BABAM1: variants seen among roughly 807,000 people sequenced by gnomAD.
BABAM1 encodes the protein BRISC and BRCA1 A complex member 1.
In BABAM1, 14 loss-of-function variants were observed where a neutral mutation model predicts 34.4. That is an observed-to-expected ratio of 0.41 (90% confidence interval 0.27 to 0.64). The LOEUF is 0.64. BABAM1 is among the 30% of genes least tolerant of loss of function. The pLI is 0.34. For synonymous variants in BABAM1, 169 were observed against 165.8 expected (o/e 1.02, Z -0.15); for missense variants, 393 against 434.0 (o/e 0.91, Z 0.84).
At position 17,269,000 on chromosome 19, in the gene BABAM1, C is replaced by T. The variant is rs749054620; in HGVS notation, c.194C>T (p.Thr65Ile). Residue 65 changes from threonine to isoleucine, a missense_variant, in exon 2 of 9, where the codon ACT becomes ATT. Physicochemically the swap from Thr to Ile is moderately conservative, Grantham distance 89. Coordinates refer to ENST00000598188, the MANE Select transcript of BABAM1 (RefSeq NM_014173.4). ...AASADDGSLN[T>I]SGAGPKSWQV... The stretch of plus-strand genomic sequence containing the variant: ...AGTGCTGATGATGGGAGCCTCAACA[C>T]TTCAGGAGCCGGCCCTAAGTCCTGG... The T allele has an allele frequency of 6.9e-6, 11 of 1,585,858 alleles. No individual in the cohort carries two copies. In the East Asian group the frequency reaches 2.5e-4, roughly 36 times the overall value.
intron 2 of BABAM1, among the ~76,000 whole-genome samples, chr19:17,271,378 G>A (rs2073839280): frequency 6.6e-6 from 1 of 152,116 alleles, no homozygotes; most frequent in African/African-American, 2.4e-5. Flanking sequence ...GTGTTTCTGT[G>A]TCACACATTC....
At chr19:17,277,717 A>G (rs1294270439) in intron 8 of BABAM1, among the ~76,000 whole-genome samples, 5 of 152,106 alleles carry the variant, frequency 3.3e-5, no homozygotes, top group African/African-American at 1.2e-4. Context: ...TACCCAAATC[A>G]AAAGTCCCCC....
At chr19:17,274,244 G>A in intron 5 of BABAM1, 59 bp downstream of exon 5, 3 of 1,588,888 alleles carry the variant, frequency 1.9e-6, no homozygotes, top group Non-Finnish European at 2.6e-6. Context: ...GTCATCCTTG[G>A]GGCCCAGGAA....
chr19:17,272,578 T>G (rs186478214), intron 3 of BABAM1, among the ~76,000 whole-genome samples: 7,420 of 151,838 alleles, frequency 0.049, 274 homozygotes, highest in Middle Eastern at 0.21. Context: ...CTAATTTTTT[T>G]GTATTTTTAG....
intron 6 of BABAM1, 127 bp from the exon 7 acceptor site, chr19:17,276,368 G>C: frequency 7.0e-7 from 1 of 1,421,532 alleles, no homozygotes; most frequent in Non-Finnish European, 9.6e-7. Context: ...CTCACAGGCA[G>C]CAGTGAACTT....
At chr19:17,272,065 C>T (rs982739481) in intron 3 of BABAM1, among the ~76,000 whole-genome samples, 5 of 151,926 alleles carry the variant, frequency 3.3e-5, no homozygotes, top group Non-Finnish European at 7.4e-5. Flanking sequence ...CTCATCCTCC[C>T]GAGTACCTGA....
chr19:17,278,524 T>C (rs1246569615), intron 8 of BABAM1, among the ~76,000 whole-genome samples: 2 of 151,864 alleles, frequency 1.3e-5, no homozygotes, highest in African/African-American at 4.8e-5. Context: ...TTAGCCAGGA[T>C]GGTCTTGATC....
Position 17,274,171 on chromosome 19 carries a change from C to G in BABAM1, c.530C>G (p.Ser177Cys). 1 of 1,613,126 alleles carries G rather than the reference C, an allele frequency of 6.2e-7. No individual in the cohort carries two copies. The highest frequency in any genetic ancestry group is 8.5e-7 in the Non-Finnish European group (1 of 1,179,868). The stretch of plus-strand genomic sequence containing the variant: ...TGCCTCTATGATCTGGAGACGGCCT[C>G]CTGTTCCACCTTCAGTATCCTTCCT... ...CSCLYDLETA[S>C]CSTFNLEGLF... is the part of the protein sequence containing the mutation. The change falls in exon 5 of 9, where the codon TCC (serine) becomes TGC (cysteine). Residue 177 changes from serine (S) to cysteine (C), a missense_variant. Physicochemically the swap from Ser to Cys is moderately radical, Grantham distance 112 (BLOSUM62 -1). Coordinates refer to ENST00000598188, the MANE Select transcript of BABAM1 (RefSeq NM_014173.4).
intron 3 of BABAM1, among the ~76,000 whole-genome samples, chr19:17,272,863 C>A (rs550432678): frequency 6.0e-4 from 91 of 152,020 alleles, no homozygotes; most frequent in Admixed American, 1.1e-3. Flanking sequence ...ACTAAAAATA[C>A]AAAAATTAGC....
rs755646838 is a variant in BABAM1 at position 17,276,602 on chromosome 19, TCTC to T, written c.680_682del (p.Ser227del). On this transcript the variant is annotated inframe_deletion, in exon 7 of 9. Transcript: ENST00000598188. Reference sequence around the variant, plus strand: ...AGCCGTCCACCTTGCCAGCCCCAGTTCTCCTTGACGGAGCCCATGAAGGTGGGT... The same window carrying T: ...AGCCGTCCACCTTGCCAGCCCCAGTTCTTGACGGAGCCCATGAAGGTGGGT... 1.9e-6 allele frequency: 3 copies of T among 1,606,134 alleles called. No individual in the cohort carries two copies. The highest frequency in any genetic ancestry group is 2.5e-6 in the Non-Finnish European group (3 of 1,176,516).
rs1031612558 is a variant in BABAM1, at chr19:17,279,214, C to G, written c.*166C>G. The G allele has an allele frequency of 4.7e-6, 3 of 642,682 alleles. No homozygotes were observed. In the South Asian group the frequency reaches 7.5e-5, roughly 16 times the overall value. 39.8% of individuals were successfully genotyped at this position (642,682 alleles called of 1,614,324 possible). A position where few individuals can be genotyped will look rare whatever the true frequency, so the allele number is the denominator to read the frequency against. The stretch of plus-strand genomic sequence containing the variant: ...AAACCCAGGATTCCAGGAGGGATCC[C>G]AGGAACTGTGGGCACCCATTTTCTG... On this transcript the variant is annotated 3_prime_UTR_variant, in exon 9 of 9. Transcript: ENST00000598188.
At chr19:17,277,170 TCTTG>T (rs66517144) in intron 8 of BABAM1, 56,498 of 374,684 alleles carry the variant, frequency 0.15, 6,049 homozygotes, top group African/African-American at 0.3. Flanking sequence ...TTCCTTTCTT[TCTTG>T]CTTGCTTGCT....
intron 3 of BABAM1, among the ~76,000 whole-genome samples, chr19:17,272,556 C>T (rs2073854139): frequency 6.6e-6 from 1 of 151,868 alleles, no homozygotes; most frequent in Non-Finnish European, 1.5e-5. Context: ...AGGTGCCTGC[C>T]ACCACGCCTG....
In BABAM1 at chr19:17,274,862, C is replaced by T. The variant is rs2073889869; in HGVS notation, c.544+677C>T. Among the ~76,000 whole-genome samples the T allele has an allele frequency of 3.4e-5, 2 of 59,654 alleles. 1 individual carries two copies. Among genetic ancestry groups the T allele is most frequent in the South Asian group, 6.9e-4 (2 of 2,892 alleles). 39.1% of individuals were successfully genotyped at this position (59,654 alleles called of 152,430 possible). ...TTTTTTCCAGGAGGACAAGACACCCCTGGCTCTTTTCATTTTGAGGAGAGT... is the reference window on the plus strand; with the variant it reads ...TTTTTTCCAGGAGGACAAGACACCCTTGGCTCTTTTCATTTTGAGGAGAGT... On this transcript the variant is annotated intron_variant, in intron 5 of 8. Transcript: ENST00000598188.
At chr19:17,275,780 T>C in intron 5 of BABAM1, 21 bp from the exon 6 acceptor site, 1 of 1,613,638 alleles carries the variant, frequency 6.2e-7, no homozygotes, top group Non-Finnish European at 8.5e-7. Context: ...CTACTAGCCT[T>C]CTCCTTAGCA....
intron 8 of BABAM1, 64 bp from the exon 9 acceptor site, chr19:17,278,781 T>C: frequency 6.7e-7 from 1 of 1,485,770 alleles, no homozygotes. Flanking sequence ...TCCAGGGATA[T>C]GAAGGGCCTG....
In BABAM1 at chr19:17,271,653, C is replaced by T. The variant is rs189650562; in HGVS notation, c.342C>T (p.Asn114=). The T allele has an allele frequency of 1.4e-3, 2,311 of 1,613,652 alleles. 12 individuals are homozygous for T. The highest frequency in any genetic ancestry group is 7.4e-4 in the Non-Finnish European group (872 of 1,179,726). Residue 114 remains asparagine (N), a splice_region_variant and synonymous_variant, in exon 3 of 9, where the codon AAC becomes AAT. Coordinates refer to ENST00000598188, the MANE Select transcript of BABAM1 (RefSeq NM_014173.4). ...CACTGCCAAAGCTGGAGTCGTTCAA[C>T]GGGTAAGAGGGACATTTTAGGGCTT... is the stretch of plus-strand genomic sequence containing the variant. ...EMSLPKLESF[N]GSKTNALNVS...
At chr19:17,277,023 T>C (rs938840752) in intron 8 of BABAM1, 114 bp downstream of exon 8, 4 of 1,010,280 alleles carry the variant, frequency 4.0e-6, no homozygotes, top group Admixed American at 4.6e-5. Flanking sequence ...GGAACCCTGG[T>C]TGGGGTAGGT....
rs372059134 is a variant in BABAM1 at position 17,278,738 on chromosome 19, C to T, written c.787-107C>T. The T allele has an allele frequency of 3.2e-4, 359 of 1,114,172 alleles. No individual in the cohort carries two copies. The African/African-American group carries it at 4.7e-3, about 15-fold the overall frequency. The allele number at this position is 1,114,172 out of a possible 1,614,324, so 69.0% of individuals were successfully genotyped here. ...GCAAACTCCTCTTCACCCTTTAGAA[C>T]CCACCCCAGATGTCCCCTCTTCTGA... On this transcript the variant is annotated intron_variant, in intron 8 of 8. Transcript: ENST00000598188.
Sources: gnomAD v4.1 joint callset for allele counts (sites outside exome capture counted in the v4.1 genomes callset) on GRCh38, gnomAD v4.1.1 for gene constraint, MANE v1.5 for transcripts, NCBI Gene and HGNC (gene_info 2026-07-23, HGNC 2026-07-21) for gene names.